The following ARHGAP6 variants were observed in gnomAD, a reference collection of about 807,000 sequenced individuals.
The protein encoded by ARHGAP6 is rho GTPase-activating protein 6.
ARHGAP6 carries 16 observed loss-of-function variants against 55.7 expected under a neutral mutation model. That is an observed-to-expected ratio of 0.29 (90% confidence interval 0.19 to 0.44). ARHGAP6 has a LOEUF of 0.44. Among genes scored for constraint, ARHGAP6 ranks in the 20% least tolerant of loss-of-function variants. The pLI is 1.00. For missense variants in ARHGAP6, 698 were observed against 808.9 expected (o/e 0.86, Z 1.66); for synonymous variants, 382 against 360.9 (o/e 1.06, Z -0.66).
At chrX:11,211,202 G>A (rs1278983709) in intron 2 of ARHGAP6, among the ~76,000 whole-genome samples, 3 of 108,460 alleles carry the variant, frequency 2.8e-5, no homozygotes, top group Non-Finnish European at 5.7e-5. Context: ...CAGAAATAGA[G>A]ATAAATTACG....
chrX:11,174,239 C>T (rs1021661142), intron 8 of ARHGAP6, among the ~76,000 whole-genome samples: 3 of 112,127 alleles, frequency 2.7e-5, no homozygotes, highest in Admixed American at 9.4e-5. Context: ...AATCCCTACA[C>T]ACCCTTTGAT....
chrX:11,634,213 C>A (rs1490333125), intron 1 of ARHGAP6, among the ~76,000 whole-genome samples: 1 of 109,565 alleles, frequency 9.1e-6, no homozygotes, highest in Non-Finnish European at 1.9e-5. Flanking sequence ...CTATGTTGCC[C>A]AGGCTGGTAA....
intron 1 of ARHGAP6, among the ~76,000 whole-genome samples, chrX:11,400,294 A>G (rs1335652061): frequency 1.8e-5 from 2 of 111,488 alleles, no homozygotes; most frequent in Admixed American, 1.9e-4. Context: ...GAGAAGTATT[A>G]ATAAAATTTG....
At chrX:11,227,919 T>C (rs1291125528) in intron 2 of ARHGAP6, among the ~76,000 whole-genome samples, 1 of 105,890 alleles carries the variant, frequency 9.4e-6, no homozygotes, top group African/African-American at 3.5e-5. Flanking sequence ...TTTGTATTAC[T>C]TTTTTTTTTA....
intron 1 of ARHGAP6, among the ~76,000 whole-genome samples, chrX:11,273,647 A>G (rs1347534216): frequency 4.1e-5 from 2 of 49,250 alleles, no homozygotes; most frequent in Non-Finnish European, 7.6e-5. Flanking sequence ...GTATCCATCT[A>G]TGGGTAGATT....
chrX:11,298,683 G>A lies in ARHGAP6; in HGVS notation c.589-43976C>T, dbSNP rs373800800. The A allele has an allele frequency of 4.0e-5, 48 of 1,208,188 alleles. No individual in the cohort carries two copies. Among genetic ancestry groups the A allele is most frequent in the Non-Finnish European group, 5.0e-5 (45 of 894,843 alleles). ...CCCAGTGGTGCCAGCTCAGCAGCCC[G>A]TGATCCCCCAGCAACCAATGATGCC... On this transcript the variant is annotated intron_variant, in intron 1 of 12. Transcript: ENST00000337414.
intron 2 of ARHGAP6, among the ~76,000 whole-genome samples, chrX:11,244,874 C>T (rs894415765): frequency 2.7e-5 from 3 of 111,725 alleles, no homozygotes; most frequent in Admixed American, 9.5e-5. Flanking sequence ...GGATAGAAAA[C>T]GATATTGTCT....
At chrX:11,184,335 G>T (rs967648989) in intron 5 of ARHGAP6, among the ~76,000 whole-genome samples, 1 of 112,411 alleles carries the variant, frequency 8.9e-6, no homozygotes, top group Non-Finnish European at 1.9e-5. Context: ...GGATCTTCTT[G>T]CCTTGGCCTC....
intron 12 of ARHGAP6, among the ~76,000 whole-genome samples, chrX:11,140,366 C>T (rs1036863272): frequency 8.3e-5 from 8 of 96,736 alleles, no homozygotes; most frequent in South Asian, 5.2e-4. Flanking sequence ...TGCAGTGAGC[C>T]GAGATCGCGC....
chrX:11,628,293 G>A (rs1177310325), intron 1 of ARHGAP6, among the ~76,000 whole-genome samples: 1 of 112,195 alleles, frequency 8.9e-6, no homozygotes, highest in Non-Finnish European at 1.9e-5. Context: ...ACATCACAAA[G>A]TGATTTCACA....
intron 1 of ARHGAP6, among the ~76,000 whole-genome samples, chrX:11,538,438 T>C (rs1433783809): frequency 1.8e-5 from 2 of 111,581 alleles, no homozygotes; most frequent in Admixed American, 9.5e-5. Context: ...GTCTATAAAA[T>C]GTATCTTTAG....
At chrX:11,519,555 C>T (rs1285820156) in intron 1 of ARHGAP6, among the ~76,000 whole-genome samples, 1 of 111,125 alleles carries the variant, frequency 9.0e-6, no homozygotes, top group African/African-American at 3.3e-5. Context: ...AAGAACAAAG[C>T]TGGAGGCATC....
chrX:11,558,383 C>G (rs1375832345), intron 1 of ARHGAP6, among the ~76,000 whole-genome samples: 1 of 111,599 alleles, frequency 9.0e-6, no homozygotes, highest in Non-Finnish European at 1.9e-5. Context: ...ATTGAGGATG[C>G]AAATAAAAAT....
intron 1 of ARHGAP6, among the ~76,000 whole-genome samples, chrX:11,562,407 T>C (rs2051393699): frequency 8.9e-6 from 1 of 111,920 alleles, no homozygotes; most frequent in Non-Finnish European, 1.9e-5. Flanking sequence ...CCTGTATAGA[T>C]TTTTAAAAAG....
intron 1 of ARHGAP6, among the ~76,000 whole-genome samples, chrX:11,314,346 C>A (rs2048331183): frequency 8.9e-6 from 1 of 111,737 alleles, no homozygotes; most frequent in South Asian, 3.7e-4. Context: ...AGTCCAGTCC[C>A]AAATTGATCA....
chrX:11,193,173 A>G (rs1268173593), intron 3 of ARHGAP6, among the ~76,000 whole-genome samples: 1 of 112,581 alleles, frequency 8.9e-6, no homozygotes, highest in African/African-American at 3.2e-5. Context: ...TTCTGATGAA[A>G]TCAATTAATA....
At chrX:11,274,606 A>G (rs1023135221) in intron 1 of ARHGAP6, among the ~76,000 whole-genome samples, 1 of 111,243 alleles carries the variant, frequency 9.0e-6, no homozygotes, top group Non-Finnish European at 1.9e-5. Context: ...AAGGAACCAC[A>G]TTTTTTTTCT....
chrX:11,140,147 C>T (rs1249656291), intron 12 of ARHGAP6, among the ~76,000 whole-genome samples: 1 of 104,909 alleles, frequency 9.5e-6, no homozygotes, highest in Non-Finnish European at 1.9e-5. Flanking sequence ...GTCTGGGCAA[C>T]AAATGTGGAC....
chrX:11,542,288 A>G (rs892157547), intron 1 of ARHGAP6, among the ~76,000 whole-genome samples: 1 of 110,687 alleles, frequency 9.0e-6, no homozygotes, highest in Non-Finnish European at 1.9e-5. Flanking sequence ...CCTGACCAAC[A>G]TGGTGAAACC....
Sources: allele counts gnomAD v4.1 joint callset (sites outside exome capture counted in the v4.1 genomes callset), GRCh38; gene constraint gnomAD v4.1.1; transcripts MANE v1.5; gene names NCBI Gene and HGNC (gene_info 2026-07-23, HGNC 2026-07-21).